Variants in KCND2 observed in about 807,000 individuals in gnomAD.
The protein encoded by KCND2 is potassium voltage-gated channel subfamily D member 2, also known as A-type voltage-gated potassium channel KCND2.
Under a neutral mutation model 54.4 loss-of-function variants are expected in KCND2, and 16 were observed. The observed-to-expected ratio is 0.29, with a 90% CI of 0.20 to 0.45. The LOEUF (loss-of-function observed/expected upper bound fraction) is 0.45. Ranked by LOEUF, KCND2 falls within the 20% of genes least tolerant of loss-of-function variation. The pLI is 1.00. For missense variants in KCND2, 486 were observed against 824.2 expected (o/e 0.59, Z 5.02); for synonymous variants, 317 against 310.7 (o/e 1.02, Z -0.21).
At chr7:120,511,024 TCACACA>T (rs10594846) in intron 1 of KCND2, among the ~76,000 whole-genome samples, 25 of 144,990 alleles carry the variant, frequency 1.7e-4, no homozygotes, top group Non-Finnish European at 2.9e-4. Context: ...TCTCTCTCTC[TCACACA>T]CACACACACA....
intron 1 of KCND2, among the ~76,000 whole-genome samples, chr7:120,612,997 A>G (rs539576635): frequency 1.3e-5 from 2 of 152,272 alleles, no homozygotes; most frequent in South Asian, 2.1e-4. Context: ...TAGTATGTGT[A>G]TGAATTCAGG....
intron 1 of KCND2, among the ~76,000 whole-genome samples, chr7:120,316,285 G>A (rs1013434177): frequency 3.9e-5 from 6 of 152,296 alleles, no homozygotes; most frequent in Non-Finnish European, 8.8e-5. Flanking sequence ...TTGAGAGAAA[G>A]AAGAATGATT....
At chr7:120,629,456 A>T (rs536029273) in intron 1 of KCND2, among the ~76,000 whole-genome samples, 2 of 152,080 alleles carry the variant, frequency 1.3e-5, no homozygotes, top group Non-Finnish European at 2.9e-5. Context: ...ACTGCACTCC[A>T]TCCTGGGCGA....
intron 1 of KCND2, among the ~76,000 whole-genome samples, chr7:120,684,259 G>A (rs1184814172): frequency 1.3e-5 from 2 of 152,240 alleles, no homozygotes; most frequent in Non-Finnish European, 2.9e-5. Context: ...ATTTTATGAA[G>A]TTAAAGTTAG....
chr7:120,571,333 T>C (rs1312585480), intron 1 of KCND2, among the ~76,000 whole-genome samples: 1 of 152,214 alleles, frequency 6.6e-6, no homozygotes, highest in Non-Finnish European at 1.5e-5. Context: ...AATAAATGAA[T>C]TAAAACCAAA....
rs183378216 is a variant in KCND2, at chr7:120,708,882, G to A, written c.1116-24021G>A. ...CCTCTCTACCATGTAAACTCCATAA[G>A]GGTAGAGAGTCCTGTTTTGTTTACC... On this transcript the variant is annotated intron_variant, in intron 1 of 5. Coordinates refer to ENST00000331113, the MANE Select transcript of KCND2 (RefSeq NM_012281.3). Among the ~76,000 whole-genome samples the A allele has an allele frequency of 2.5e-3, 376 of 152,160 alleles. 1 individual carries two copies. Among genetic ancestry groups the A allele is most frequent in the Middle Eastern group, 0.024 (7 of 294 alleles).
chr7:120,413,388 C>T (rs917853756), intron 1 of KCND2, among the ~76,000 whole-genome samples: 1 of 151,742 alleles, frequency 6.6e-6, no homozygotes. Flanking sequence ...ATAATTTCTT[C>T]TGGGTTAATT....
At chr7:120,677,542 G>GATATATATAT (rs1554384967) in intron 1 of KCND2, among the ~76,000 whole-genome samples, 2 of 139,710 alleles carry the variant, frequency 1.4e-5, no homozygotes, top group African/African-American at 5.8e-5. Flanking sequence ...TATAGATATA[G>GATATATATAT]ATATAGATAT....
At chr7:120,342,302 G>A (rs561759644) in intron 1 of KCND2, among the ~76,000 whole-genome samples, 1 of 152,130 alleles carries the variant, frequency 6.6e-6, no homozygotes, top group African/African-American at 2.4e-5. Flanking sequence ...TAAGTACAAT[G>A]ATGTATGTAA....
chr7:120,355,389 A>T (rs1471097518), intron 1 of KCND2, among the ~76,000 whole-genome samples: 1 of 152,150 alleles, frequency 6.6e-6, no homozygotes, highest in Non-Finnish European at 1.5e-5. Flanking sequence ...TCTACTAAAA[A>T]TACAAAAATT....
chr7:120,743,659 A>T (rs1792969648), intron 4 of KCND2, among the ~76,000 whole-genome samples: 1 of 152,148 alleles, frequency 6.6e-6, no homozygotes, highest in Non-Finnish European at 1.5e-5. Context: ...AGGCAGAGCA[A>T]TGAAGGGGCT....
At chr7:120,514,629 A>G (rs1425846016) in intron 1 of KCND2, among the ~76,000 whole-genome samples, 1 of 152,066 alleles carries the variant, frequency 6.6e-6, no homozygotes, top group South Asian at 2.1e-4. Flanking sequence ...AAAGTAGTAT[A>G]CTTTTATAGC....
chr7:120,693,687 AC>A, intron 1 of KCND2, among the ~76,000 whole-genome samples: 1 of 152,222 alleles, frequency 6.6e-6, no homozygotes, highest in Non-Finnish European at 1.5e-5. Context: ...ATTAATCCTC[AC>A]AAAAAAGTAT....
intron 1 of KCND2, among the ~76,000 whole-genome samples, chr7:120,721,986 T>C (rs1165969526): frequency 1.3e-5 from 2 of 152,168 alleles, no homozygotes; most frequent in Non-Finnish European, 2.9e-5. Flanking sequence ...CACTCTCCCT[T>C]TGCCAGCTGC....
intron 1 of KCND2, among the ~76,000 whole-genome samples, chr7:120,359,788 T>C (rs1427118021): frequency 6.6e-6 from 1 of 152,018 alleles, no homozygotes; most frequent in African/African-American, 2.4e-5. Context: ...AGGGAGGTGA[T>C]TGGATCATGG....
chr7:120,675,957 G>A (rs896798215), intron 1 of KCND2, among the ~76,000 whole-genome samples: 2 of 150,720 alleles, frequency 1.3e-5, no homozygotes, highest in Non-Finnish European at 1.5e-5. Context: ...TCTTGAATTG[G>A]AGCAATTCTT....
At chr7:120,617,987 C>G (rs1421369618) in intron 1 of KCND2, among the ~76,000 whole-genome samples, 1 of 151,974 alleles carries the variant, frequency 6.6e-6, no homozygotes, top group Non-Finnish European at 1.5e-5. Context: ...AAGATGGGAA[C>G]AACAAACACC....
intron 1 of KCND2, among the ~76,000 whole-genome samples, chr7:120,435,298 A>G (rs1801851108): frequency 6.8e-6 from 1 of 146,308 alleles, no homozygotes; most frequent in South Asian, 2.2e-4. Context: ...AATTTTTAGT[A>G]GAGACAGGGT....
intron 1 of KCND2, among the ~76,000 whole-genome samples, chr7:120,560,711 G>T (rs983430414): frequency 1.3e-5 from 2 of 152,110 alleles, no homozygotes; most frequent in Non-Finnish European, 2.9e-5. Flanking sequence ...GGAAACCAAG[G>T]TTATCAGTCC....
Sources: allele counts gnomAD v4.1 joint callset (sites outside exome capture counted in the v4.1 genomes callset), GRCh38; gene constraint gnomAD v4.1.1; transcripts MANE v1.5; gene names NCBI Gene and HGNC (gene_info 2026-07-23, HGNC 2026-07-21).